BTBD3: variants seen among roughly 807,000 people sequenced by gnomAD.
BTBD3 encodes the protein BTB domain containing 3.
Under a neutral mutation model 41.6 loss-of-function variants are expected in BTBD3, and 14 were observed. The ratio of observed to expected loss-of-function variants is 0.34; its 90% CI spans 0.22 to 0.53. The LOEUF (loss-of-function observed/expected upper bound fraction) is 0.53, where lower values mean the gene tolerates loss of function less well. Ranked by LOEUF, BTBD3 falls within the 20% of genes least tolerant of loss-of-function variation. The pLI is 0.95. For synonymous variants in BTBD3, 249 were observed against 233.7 expected (o/e 1.07, Z -0.60); for missense variants, 426 against 654.7 (o/e 0.65, Z 3.81).
chr20:11,918,706 C>T, intron 1 of BTBD3, 105 bp downstream of exon 1: 1 of 1,259,246 alleles, frequency 7.9e-7, no homozygotes, highest in Non-Finnish European at 1.1e-6. Flanking sequence ...TTCCTCTTTT[C>T]CCAGAAGCTT....
At position 11,918,521 on chromosome 20, in the gene BTBD3, G is replaced by A; in HGVS notation, c.246G>A (p.Gln82=). 1 of 1,614,152 alleles carries A rather than the reference G, an allele frequency of 6.2e-7. No homozygotes were observed. The highest frequency in any genetic ancestry group is 8.5e-7 in the Non-Finnish European group (1 of 1,180,016). ...PANSSSTSVQ[Q]YHQQNLSNNN... is the part of the protein sequence containing the mutation. ...ACTCCAGCAGCACCAGCGTCCAGCA[G>A]TACCACCAGCAGAATCTCAGTAACA... Residue 82 remains glutamine, a synonymous_variant, in exon 1 of 4, where the codon CAG becomes CAA. Coordinates refer to ENST00000378226, the MANE Select transcript of BTBD3 (RefSeq NM_014962.4).
At chr20:11,914,956 C>T (rs2056909318), upstream of BTBD3, among the ~76,000 whole-genome samples, 1 of 152,106 alleles carries the variant, frequency 6.6e-6, no homozygotes, top group African/African-American at 2.4e-5. Context: ...GGGTGAATCT[C>T]TTTCATCTTA....
chr20:11,896,967 C>G (rs961470064), intron 1 of BTBD3, among the ~76,000 whole-genome samples: 2 of 152,196 alleles, frequency 1.3e-5, no homozygotes, highest in Non-Finnish European at 1.5e-5. Flanking sequence ...CACATCTTTA[C>G]CTGTTGGCAG....
intron 1 of BTBD3, among the ~76,000 whole-genome samples, chr20:11,895,505 T>C (rs957541373): frequency 3.3e-5 from 5 of 152,154 alleles, no homozygotes; most frequent in Non-Finnish European, 5.9e-5. Context: ...TAGGGTCTTC[T>C]TGGGCTGGTC....
At chr20:11,912,644 C>T (rs1012294271) in intron 1 of BTBD3, among the ~76,000 whole-genome samples, 17 of 152,196 alleles carry the variant, frequency 1.1e-4, no homozygotes, top group African/African-American at 4.1e-4. Flanking sequence ...ACGTTTCCTG[C>T]TTTGGGCACA....
Position 11,923,733 on chromosome 20 carries a change from G to A in BTBD3, c.*67G>A. 1 of 1,410,014 alleles carries A rather than the reference G, an allele frequency of 7.1e-7. No individual in the cohort carries two copies. The highest frequency in any genetic ancestry group is 1.3e-5 in the South Asian group (1 of 74,212). 87.3% of individuals were successfully genotyped at this position (1,410,014 alleles called of 1,614,324 possible). A position where few individuals can be genotyped will look rare whatever the true frequency, so the allele number is the denominator to read the frequency against. On this transcript the variant is annotated 3_prime_UTR_variant, in exon 4 of 4. Transcript: ENST00000378226. This position sits in a 1 kb window ranked among gnomAD's most constrained non-coding sequence, Gnocchi z 5.3. ...CTGGTTCCAACTTGCCTGATGCTTAGCTCATCTGCAAATATGTGATCAGTG... is the reference window on the plus strand; with the variant it reads ...CTGGTTCCAACTTGCCTGATGCTTAACTCATCTGCAAATATGTGATCAGTG...
At chr20:11,904,260 A>C (rs1056997986) in intron 1 of BTBD3, among the ~76,000 whole-genome samples, 1 of 152,150 alleles carries the variant, frequency 6.6e-6, no homozygotes, top group African/African-American at 2.4e-5. Flanking sequence ...GCAGAAAGTA[A>C]AGGGGAAGCA....
intron 1 of BTBD3, among the ~76,000 whole-genome samples, chr20:11,896,750 A>C (rs1212524396): frequency 1.3e-5 from 2 of 152,212 alleles, no homozygotes; most frequent in African/African-American, 4.8e-5. Context: ...GTATTTCTGA[A>C]GAGTCTACTG....
intron 1 of BTBD3, among the ~76,000 whole-genome samples, chr20:11,891,960 A>G (rs1266533272): frequency 1.3e-5 from 2 of 152,184 alleles, no homozygotes; most frequent in African/African-American, 4.8e-5. Flanking sequence ...CACCAGACCA[A>G]TTAACACAGT....
chr20:11,899,039 T>C lies in BTBD3; in HGVS notation c.-126+8085T>C, dbSNP rs116582376. 8.3e-3 allele frequency among the ~76,000 whole-genome samples: 1,271 copies of C among 152,328 alleles called. 12 individuals carry two copies. Among genetic ancestry groups the C allele is most frequent in the African/African-American group, 0.029 (1,202 of 41,582 alleles). On this transcript the variant is annotated intron_variant, in intron 1 of 4. Coordinates refer to the BTBD3 transcript ENST00000254977. ...GGTTCCCTGGTAAATATCAGTGATA[T>C]ACTGTTACTATATTTTGTTCTTTAA...
At position 11,918,030 on chromosome 20, in the gene BTBD3, AT is replaced by A. The variant is rs1356653091; in HGVS notation, c.-241del. 1 of 1,236,050 alleles carries A rather than the reference AT, an allele frequency of 8.1e-7. No individual in the cohort carries two copies. The highest frequency in any genetic ancestry group is 1.0e-6 in the Non-Finnish European group (1 of 990,030). The allele number at this position is 1,236,050 out of a possible 1,614,324, so 76.6% of individuals were successfully genotyped here. A position where few individuals can be genotyped will look rare whatever the true frequency, so the allele number is the denominator to read the frequency against. On this transcript the variant is annotated 5_prime_UTR_variant, in exon 1 of 4. Transcript: ENST00000378226. Reference sequence around the variant, plus strand: ...TTTTCAGGTGATCTAGGAAACAGTTATTTTTATGAGCAAATAAGAGAAACAG... The same window carrying A: ...TTTTCAGGTGATCTAGGAAACAGTTATTTTATGAGCAAATAAGAGAAACAG...
At chr20:11,918,884 T>TA (rs2056941365) in intron 1 of BTBD3, 1 of 574,946 alleles carries the variant, frequency 1.7e-6, no homozygotes, top group Non-Finnish European at 3.0e-6. Flanking sequence ...AAAGTTTGTA[T>TA]AACTTTTATT....
In BTBD3 at chr20:11,919,854, G is replaced by GT. The variant is rs1285204665; in HGVS notation, c.536+21dup. On this transcript the variant is annotated intron_variant, in intron 3 of 3. Coordinates refer to ENST00000378226, the MANE Select transcript of BTBD3 (RefSeq NM_014962.4). ...ATGCTGAAGTAAGCATCATTCGTGT[G>GT]TTTGGAAAGAGTTTGTTTATGCTGT... The GT allele has an allele frequency of 6.2e-7, 1 of 1,601,046 alleles. No homozygotes were observed. Among genetic ancestry groups the GT allele is most frequent in the African/African-American group, 1.3e-5 (1 of 74,642 alleles).
At position 11,926,213 on chromosome 20, in the gene BTBD3, G is replaced by T. The variant is rs769516095; in HGVS notation, c.*2547G>T. Reference sequence around the variant, plus strand: ...TACACTGTAGATGCTTTTCCCCAACGTATCTGGCTGGCAGTCTTTGTCGTT... The same window carrying T: ...TACACTGTAGATGCTTTTCCCCAACTTATCTGGCTGGCAGTCTTTGTCGTT... On this transcript the variant is annotated 3_prime_UTR_variant, in exon 4 of 4. Coordinates refer to ENST00000378226, the MANE Select transcript of BTBD3 (RefSeq NM_014962.4). 6.6e-6 allele frequency: 1 copy of T among 152,614 alleles called. No individual in the cohort carries two copies. Among genetic ancestry groups the T allele is most frequent in the Non-Finnish European group, 1.5e-5 (1 of 68,044 alleles). The allele number at this position is 152,614 out of a possible 1,614,324, so 9.5% of individuals were successfully genotyped here.
rs560393864 is a variant in BTBD3, at chr20:11,896,898, G to T, written c.-126+5944G>T. On this transcript the variant is annotated intron_variant, in intron 1 of 4. Transcript: ENST00000254977. ...TATTGTCTTGGTTGGGGTGGTATAG[G>T]AGATGTCACTAGGGATTTTTCACAA... 3.3e-5 allele frequency among the ~76,000 whole-genome samples: 5 copies of T among 152,306 alleles called. No individual in the cohort carries two copies. In the East Asian group the frequency reaches 5.8e-4, roughly 18 times the overall value.
At chr20:11,899,223 C>T (rs1330527213) in intron 1 of BTBD3, among the ~76,000 whole-genome samples, 1 of 152,058 alleles carries the variant, frequency 6.6e-6, no homozygotes, top group African/African-American at 2.4e-5. Context: ...TTGAAATCCT[C>T]AGAGCCACTT....
At chr20:11,900,694 A>G (rs1006946346) in intron 1 of BTBD3, among the ~76,000 whole-genome samples, 1 of 144,784 alleles carries the variant, frequency 6.9e-6, no homozygotes, top group Non-Finnish European at 1.5e-5. Context: ...CAAATATAAT[A>G]AAGTCCACCT....
intron 2 of BTBD3, 145 bp from the exon 3 acceptor site, chr20:11,919,573 C>G (rs2056948040): frequency 8.9e-7 from 1 of 1,122,544 alleles, no homozygotes. Flanking sequence ...GGCAAGCTAC[C>G]CTGTGTACCT....
intron 1 of BTBD3, among the ~76,000 whole-genome samples, chr20:11,893,483 T>C (rs950784984): frequency 6.6e-6 from 1 of 152,228 alleles, no homozygotes; most frequent in Admixed American, 6.5e-5. Context: ...TAATAATCTT[T>C]CACTTAATCT....
Sources: gnomAD v4.1 joint callset for allele counts (sites outside exome capture counted in the v4.1 genomes callset) on GRCh38, gnomAD v4.1.1 for gene constraint, Gnocchi (gnomAD v3.1) non-coding constraint, MANE v1.5 for transcripts, NCBI Gene and HGNC (gene_info 2026-07-23, HGNC 2026-07-21) for gene names.